Variants in RCCD1 observed in about 807,000 individuals in gnomAD.
RCCD1 encodes RCC1 domain containing 1, also known as RCC1 domain-containing protein 1.
A neutral mutation model predicts 37.6 loss-of-function variants in RCCD1; 40 were observed. That is an observed-to-expected ratio of 1.06 (90% CI 0.83 to 1.39). The LOEUF (loss-of-function observed/expected upper bound fraction) is 1.39, where lower values mean the gene tolerates loss of function less well. Among genes scored for constraint, RCCD1 ranks in the 40% most tolerant of loss-of-function variants. The pLI is 0.00. For missense variants in RCCD1, 577 were observed against 517.3 expected (o/e 1.12, Z -1.12); for synonymous variants, 263 against 230.0 (o/e 1.14, Z -1.30).
chr15:90,958,946 A>C (rs920325405), intron 4 of RCCD1, among the ~76,000 whole-genome samples: 18 of 101,920 alleles, frequency 1.8e-4, no homozygotes, highest in Admixed American at 3.4e-4. Flanking sequence ...TAAAAAAAAA[A>C]AAAAAACAAA....
chr15:90,960,758 G>A (rs2037298952), intron 6 of RCCD1: 4 of 610,244 alleles, frequency 6.6e-6, no homozygotes, highest in South Asian at 1.9e-5. Flanking sequence ...GCCCGCCGCC[G>A]CCTCTGACAG....
chr15:90,960,360 A>G lies in RCCD1; in HGVS notation c.811A>G (p.Lys271Glu), dbSNP rs1379387024. 2.5e-6 allele frequency: 4 copies of G among 1,612,538 alleles called. No individual in the cohort carries two copies. The highest frequency in any genetic ancestry group is 1.1e-5 in the South Asian group (1 of 90,872). ...TELNEDGSQVKRTGGAEDGAP... is the reference protein window; with the variant it reads ...TELNEDGSQVERTGGAEDGAP... ...ACTGAATGAAGATGGTTCTCAGGTGAAGAGAACGGGTGGGGCTGAGGATGG... is the reference window on the plus strand; with the variant it reads ...ACTGAATGAAGATGGTTCTCAGGTGGAGAGAACGGGTGGGGCTGAGGATGG... Residue 271 changes from lysine to glutamate, a missense_variant, in exon 6 of 8, where the codon AAG (lysine) becomes GAG (glutamate). By Grantham distance (56) the Lys-to-Glu change is moderately conservative (BLOSUM62 1). Coordinates refer to ENST00000394258, the MANE Select transcript of RCCD1 (RefSeq NM_001017919.2).
Position 90,956,901 on chromosome 15 carries a change from G to A in RCCD1, c.166+1G>A. On this transcript the variant is annotated splice_donor_variant, in intron 2 of 7. Transcript: ENST00000394258. LOFTEE classifies it high-confidence loss of function. Reference sequence around the variant, plus strand: ...TGGAGCTACACCGCTTTCGTGACCCGTGAGCACTCCCCGCCCCGTCCCCAC... The same window carrying A: ...TGGAGCTACACCGCTTTCGTGACCCATGAGCACTCCCCGCCCCGTCCCCAC... 1.6e-6 allele frequency: 2 copies of A among 1,285,050 alleles called. No homozygotes were observed. Among genetic ancestry groups the A allele is most frequent in the Non-Finnish European group, 2.0e-6 (2 of 1,017,132 alleles). 79.6% of individuals were successfully genotyped at this position (1,285,050 alleles called of 1,614,324 possible).
At chr15:90,957,053 C>T (rs974589995) in intron 2 of RCCD1, 60 bp from the exon 3 acceptor site, 17 of 1,301,120 alleles carry the variant, frequency 1.3e-5, no homozygotes, top group Non-Finnish European at 1.5e-5. Flanking sequence ...CCAGGAACAC[C>T]CCGCTCCCCC....
At chr15:90,961,201 G>T in intron 7 of RCCD1, 147 bp downstream of exon 7, 1 of 760,404 alleles carries the variant, frequency 1.3e-6, no homozygotes, top group South Asian at 1.8e-5. Flanking sequence ...CCTCCCTGGG[G>T]TTGGAACAGA....
In RCCD1 at chr15:90,957,641, C is replaced by T. The variant is rs748676365; in HGVS notation, c.595C>T (p.Leu199=). ...QLGHGTLEAE[L]EPRLLEALQG... is the part of the protein sequence containing the mutation. ...GGGCCATGGGACCCTGGAGGCAGAG[C>T]TGGAGCCACGGCTGTTGGAGGCGTT... The change falls in exon 4 of 8, where the codon CTG becomes TTG. Residue 199 remains leucine, a synonymous_variant. Transcript: ENST00000394258. The T allele has an allele frequency of 6.2e-7, 1 of 1,614,164 alleles. No homozygotes were observed. Among genetic ancestry groups the T allele is most frequent in the Non-Finnish European group, 8.5e-7 (1 of 1,180,010 alleles).
chr15:90,960,143 C>T (rs573245076), intron 5 of RCCD1, 145 bp downstream of exon 5: 2 of 905,642 alleles, frequency 2.2e-6, no homozygotes, highest in Non-Finnish European at 3.4e-6. Context: ...AAGGCTGATG[C>T]CGGTCTTGGC....
chr15:90,962,935 C>T lies in RCCD1; in HGVS notation c.*1166C>T, dbSNP rs940138639. The stretch of plus-strand genomic sequence containing the variant: ...GCCAGGTAAGGCTCAAAGTGCTTTA[C>T]AAGTATCAACTTATTTTGATAAAAT... On this transcript the variant is annotated 3_prime_UTR_variant, in exon 8 of 8. Coordinates refer to ENST00000394258, the MANE Select transcript of RCCD1 (RefSeq NM_001017919.2). 6.6e-6 allele frequency: 1 copy of T among 152,098 alleles called. No homozygotes were observed. The highest frequency in any genetic ancestry group is 2.4e-5 in the African/African-American group (1 of 41,378). The allele number at this position is 152,098 out of a possible 1,614,324, so 9.4% of individuals were successfully genotyped here.
Position 90,957,520 on chromosome 15 carries a change from G to A in RCCD1, c.557+17G>A, listed in dbSNP as rs2037225451. 2.5e-6 allele frequency: 4 copies of A among 1,589,556 alleles called. No individual in the cohort carries two copies. Among genetic ancestry groups the A allele is most frequent in the Non-Finnish European group, 3.4e-6 (4 of 1,170,306 alleles). On this transcript the variant is annotated intron_variant, in intron 3 of 7. Transcript: ENST00000394258. ...CGGGGGCAGGTGAGCGGAGGCGGGGGCAGGTGAGGGCTGCTGATTGGAGAA... is the reference window on the plus strand; with the variant it reads ...CGGGGGCAGGTGAGCGGAGGCGGGGACAGGTGAGGGCTGCTGATTGGAGAA...
At position 90,957,739 on chromosome 15, in the gene RCCD1, TGC is replaced by T; in HGVS notation, c.679+15_679+16del. The T allele has an allele frequency of 6.3e-7, 1 of 1,592,000 alleles. No homozygotes were observed. The highest frequency in any genetic ancestry group is 1.7e-5 in the Admixed American group (1 of 57,328). On this transcript the variant is annotated intron_variant, in intron 4 of 7. Transcript: ENST00000394258. ...TGTGTGTGAGTGGTGAGTGACTTAG[TGC>T]TTCTCCAGACGAGCTCATGATCTTG... is the stretch of plus-strand genomic sequence containing the variant.
Position 90,959,969 on chromosome 15 carries a change from C to G in RCCD1, c.749C>G (p.Ala250Gly). ...CTGGCCCTGCCCACCAGGAACCTGG[C>G]AGAGGATGGAGAGACTGTCGCAAGG... ...GQLALPTRNL[A>G]EDGETVAREA... Residue 250 changes from alanine (A) to glycine (G), a missense_variant, in exon 5 of 8, where the codon GCA becomes GGA. By Grantham distance (60) the Ala-to-Gly change is moderately conservative. Transcript: ENST00000394258. The G allele has an allele frequency of 6.2e-7, 1 of 1,613,634 alleles. No individual in the cohort carries two copies. The highest frequency in any genetic ancestry group is 8.5e-7 in the Non-Finnish European group (1 of 1,179,810).
rs1206634141 is a variant in RCCD1 at position 90,960,808 on chromosome 15, G to C, written c.950-217G>C. 11 of 656,368 alleles carry C rather than the reference G, an allele frequency of 1.7e-5. 1 individual carries two copies. Among genetic ancestry groups the C allele is most frequent in the Non-Finnish European group, 2.7e-5 (10 of 365,954 alleles). 40.7% of individuals were successfully genotyped at this position (656,368 alleles called of 1,614,324 possible). A position where few individuals can be genotyped will look rare whatever the true frequency, so the allele number is the denominator to read the frequency against. ...TCTGGCATGGAAGACTGCGGCGCTC[G>C]GTAGCATGGCACACAGGAAGATCCG... On this transcript the variant is annotated intron_variant, in intron 6 of 7. Coordinates refer to ENST00000394258, the MANE Select transcript of RCCD1 (RefSeq NM_001017919.2).
At chr15:90,961,344 G>C (rs1046778466) in intron 7 of RCCD1, 14 of 581,188 alleles carry the variant, frequency 2.4e-5, no homozygotes, top group Non-Finnish European at 4.3e-5. Context: ...TTGTGGATGT[G>C]ACACTGGGTG....
Position 90,956,641 on chromosome 15 carries a change from G to C in RCCD1, c.-94G>C, listed in dbSNP as rs957863414. The C allele has an allele frequency of 5.2e-6, 6 of 1,147,128 alleles. No homozygotes were observed. The Admixed American group carries it at 2.1e-4, about 41-fold the overall frequency. The allele number at this position is 1,147,128 out of a possible 1,614,324, so 71.1% of individuals were successfully genotyped here. On this transcript the variant is annotated 5_prime_UTR_variant, in exon 2 of 8. Coordinates refer to ENST00000394258, the MANE Select transcript of RCCD1 (RefSeq NM_001017919.2). ...GGCAGCTCCAGCCCCTGGAAGGCCA[G>C]AGACTTGCCAGTGTCCCACTAGCGG...
Position 90,961,789 on chromosome 15 carries a change from ATGCAACACC to A in RCCD1, c.*23_*31del. 1 of 1,603,934 alleles carries A rather than the reference ATGCAACACC, an allele frequency of 6.2e-7. No homozygotes were observed. The highest frequency in any genetic ancestry group is 1.1e-5 in the South Asian group (1 of 90,136). On this transcript the variant is annotated 3_prime_UTR_variant, in exon 8 of 8. Transcript: ENST00000394258. ...AGCTGACATGTGTACGTATATGTAT[ATGCAACACC>A]TGTGAGACCCCCATTCAGGTCAAGG...
intron 5 of RCCD1, 67 bp from the exon 6 acceptor site, chr15:90,960,261 G>T: frequency 6.8e-7 from 1 of 1,476,086 alleles, no homozygotes. Context: ...GTGGCAATAA[G>T]TGACTGCATG....
In RCCD1 at chr15:90,962,320, T is replaced by C. The variant is rs1397679787; in HGVS notation, c.*551T>C. ...TAATGCTATATGGTGTTCTGTTGTA[T>C]GAATAATACCTCAAGTGATACAGCC... On this transcript the variant is annotated 3_prime_UTR_variant, in exon 8 of 8. Transcript: ENST00000394258. 5 of 152,370 alleles carry C rather than the reference T, an allele frequency of 3.3e-5. No individual in the cohort carries two copies. Among genetic ancestry groups the C allele is most frequent in the Non-Finnish European group, 5.9e-5 (4 of 68,140 alleles). The allele number at this position is 152,370 out of a possible 1,614,324, so 9.4% of individuals were successfully genotyped here.
chr15:90,959,990 C>CA lies in RCCD1; in HGVS notation c.772dup (p.Arg258LysfsTer8). The CA allele has an allele frequency of 6.2e-7, 1 of 1,612,440 alleles. No individual in the cohort carries two copies. The stretch of plus-strand genomic sequence containing the variant: ...CTGGCAGAGGATGGAGAGACTGTCG[C>CA]AAGGGAAGGTGAGGGTCATCTCGGC... On this transcript the variant is annotated frameshift_variant, in exon 5 of 8. Coordinates refer to ENST00000394258, the MANE Select transcript of RCCD1 (RefSeq NM_001017919.2). LOFTEE classifies it high-confidence loss of function.
At position 90,956,074 on chromosome 15, in the gene RCCD1, A is replaced by T. The variant is rs553651296; in HGVS notation, c.-123-538A>T. On this transcript the variant is annotated intron_variant, in intron 1 of 7. Transcript: ENST00000394258. ...GGAAGGTTCAAACAGCACCGCCCCC[A>T]CCTCCCTTTGTAAACTGAAGAAACG... Among the ~76,000 whole-genome samples the T allele has an allele frequency of 3.7e-4, 57 of 152,162 alleles. 1 individual carries two copies. The South Asian group carries it at 0.012, about 32-fold the overall frequency.
Sources: allele counts gnomAD v4.1 joint callset (sites outside exome capture counted in the v4.1 genomes callset), GRCh38; gene constraint gnomAD v4.1.1; transcripts MANE v1.5; gene names NCBI Gene and HGNC (gene_info 2026-07-23, HGNC 2026-07-21).